PITPNA: variants seen among roughly 807,000 people sequenced by gnomAD.
The protein encoded by PITPNA is phosphatidylinositol transfer protein alpha isoform.
A neutral mutation model predicts 50.3 loss-of-function variants in PITPNA; 13 were observed. The observed-to-expected ratio is 0.26, with a 90% confidence interval of 0.17 to 0.41. PITPNA has a LOEUF of 0.41. PITPNA is among the 10% of genes least tolerant of loss of function. The pLI is 1.00. For missense variants in PITPNA, 207 were observed against 333.4 expected (o/e 0.62, Z 2.95); for synonymous variants, 120 against 119.6 (o/e 1.00, Z -0.02).
rs2075772033 is a variant in PITPNA at position 1,562,227 on chromosome 17, G to T, written c.20+314C>A. Reference sequence around the variant, plus strand: ...CCGTCCGCCCGGGTTGTCCCTCCGTGCCCGTGGGCCCCTCCATGCCCCGGC... The same window carrying T: ...CCGTCCGCCCGGGTTGTCCCTCCGTTCCCGTGGGCCCCTCCATGCCCCGGC... On this transcript the variant is annotated intron_variant, in intron 1 of 11. Transcript: ENST00000313486. This position sits in a 1 kb window ranked among gnomAD's most constrained non-coding sequence, Gnocchi z 6.4. 6.6e-6 allele frequency among the ~76,000 whole-genome samples: 1 copy of T among 151,592 alleles called. No individual in the cohort carries two copies.
Position 1,521,566 on chromosome 17 carries a change from AT to A in PITPNA, c.*22+12del, listed in dbSNP as rs772496918. ...GCGTCTGTGACACGCACAGTGAGAA[AT>A]TTGGTACGTACAGTGCAGAGGGGAA... On this transcript the variant is annotated intron_variant, in intron 11 of 11. Coordinates refer to ENST00000313486, the MANE Select transcript of PITPNA (RefSeq NM_006224.4). 2 of 1,587,640 alleles carry A rather than the reference AT, an allele frequency of 1.3e-6. No individual in the cohort carries two copies. The highest frequency in any genetic ancestry group is 1.7e-6 in the Non-Finnish European group (2 of 1,155,846).
At position 1,530,884 on chromosome 17, in the gene PITPNA, G is replaced by A. The variant is rs528800881; in HGVS notation, c.768+3215C>T. Among the ~76,000 whole-genome samples the A allele has an allele frequency of 9.2e-5, 14 of 152,284 alleles. No individual in the cohort carries two copies. The South Asian group carries it at 2.9e-3, about 32-fold the overall frequency. On this transcript the variant is annotated intron_variant, in intron 10 of 11. Coordinates refer to ENST00000313486, the MANE Select transcript of PITPNA (RefSeq NM_006224.4). ...ATGGAGAGCGGAGAAGGAGCTGCAGGTTCTGCAAAGGCTCAGGAACTGGAA... is the reference window on the plus strand; with the variant it reads ...ATGGAGAGCGGAGAAGGAGCTGCAGATTCTGCAAAGGCTCAGGAACTGGAA...
rs1046754948 is a variant in PITPNA, at chr17:1,548,953, G to A, written c.198-566C>T. ...GTCTCCCTTTGTCGCCCAGGCTGGA[G>A]TGCAGTGCTGCGATCTCGGGTAACT... On this transcript the variant is annotated intron_variant, in intron 3 of 11. Transcript: ENST00000313486. Among the ~76,000 whole-genome samples the A allele has an allele frequency of 1.5e-4, 23 of 152,160 alleles. 1 individual carries two copies. The highest frequency in any genetic ancestry group is 1.2e-3 in the Admixed American group (19 of 15,276).
intron 3 of PITPNA, among the ~76,000 whole-genome samples, chr17:1,549,912 C>A (rs1297497078): frequency 1.3e-5 from 2 of 151,838 alleles, no homozygotes; most frequent in African/African-American, 2.4e-5. Flanking sequence ...TGACCTCGGG[C>A]AATCTGCCTG....
chr17:1,538,905 A>G lies in PITPNA; in HGVS notation c.420T>C (p.Tyr140=). The change falls in exon 7 of 12, where the codon TAT becomes TAC. Residue 140 remains tyrosine, a synonymous_variant. Transcript: ENST00000313486. ...PEAWKHVEAV[Y]IDIADRSQVL... ...CTTGGCTTCGATCTGCAATGTCTAT[A>G]TATACGGCTTCCACGTGTTTCCACG... 1 of 1,613,888 alleles carries G rather than the reference A, an allele frequency of 6.2e-7. No individual in the cohort carries two copies. Among genetic ancestry groups the G allele is most frequent in the Non-Finnish European group, 8.5e-7 (1 of 1,179,782 alleles).
At chr17:1,548,064 C>G (rs2075687180) in intron 4 of PITPNA, among the ~76,000 whole-genome samples, 1 of 152,144 alleles carries the variant, frequency 6.6e-6, no homozygotes, top group South Asian at 2.1e-4. Context: ...TAACAATAAT[C>G]AAAATCGCAG....
chr17:1,548,402 A>G lies in PITPNA; in HGVS notation c.198-15T>C, dbSNP rs753449851. 6.4e-6 allele frequency: 10 copies of G among 1,558,820 alleles called. No individual in the cohort carries two copies. Among genetic ancestry groups the G allele is most frequent in the East Asian group, 2.3e-5 (1 of 43,594 alleles). The stretch of plus-strand genomic sequence containing the variant: ...TGGGTACTTTGCTATAGCGGGGAAA[A>G]AAAGGGGTATAAAGAGAAATGGTAG... On this transcript the variant is annotated splice_polypyrimidine_tract_variant and intron_variant, in intron 3 of 11. Transcript: ENST00000313486.
chr17:1,534,171 G>A lies in PITPNA; in HGVS notation c.696C>T (p.Leu232=), dbSNP rs531765844. 80 of 1,613,694 alleles carry A rather than the reference G, an allele frequency of 5.0e-5. 1 individual carries two copies. In the South Asian group the frequency reaches 5.4e-4, roughly 11 times the overall value. The change falls in exon 10 of 12, where the codon CTC becomes CTT. Residue 232 remains leucine, a synonymous_variant. Transcript: ENST00000313486. ...CCATGGTCAGGTCAACCCACTTATC[G>A]AGCCAACAGAACAGCTGCCTGTGGA... The part of the protein sequence containing the change: ...TNFHRQLFCW[L]DKWVDLTMDD...
chr17:1,550,459 G>A (rs2075702382), intron 3 of PITPNA, among the ~76,000 whole-genome samples: 1 of 152,196 alleles, frequency 6.6e-6, no homozygotes, highest in African/African-American at 2.4e-5. Flanking sequence ...AGAGGGACAA[G>A]TTCAGAGTAA....
intron 10 of PITPNA, among the ~76,000 whole-genome samples, chr17:1,523,380 T>C (rs941930433): frequency 6.6e-6 from 1 of 152,226 alleles, no homozygotes; most frequent in Non-Finnish European, 1.5e-5. Context: ...TCTGGCTCTG[T>C]TGCCCAGGAT....
chr17:1,542,205 A>C (rs1401308810), intron 5 of PITPNA, among the ~76,000 whole-genome samples: 1 of 152,082 alleles, frequency 6.6e-6, no homozygotes, highest in Non-Finnish European at 1.5e-5. Context: ...CGTTTCGAAA[A>C]AAAAAAAAAA....
chr17:1,537,838 T>A (rs1000651828), intron 7 of PITPNA, among the ~76,000 whole-genome samples: 3 of 152,148 alleles, frequency 2.0e-5, no homozygotes, highest in Admixed American at 6.5e-5. Flanking sequence ...TCTCGCTGTG[T>A]CGCCCAGGCT....
intron 10 of PITPNA, among the ~76,000 whole-genome samples, chr17:1,527,203 A>C (rs933644164): frequency 1.3e-5 from 2 of 152,206 alleles, no homozygotes; most frequent in African/African-American, 4.8e-5. Flanking sequence ...TGGCTGAAGA[A>C]AATGTGTATG....
chr17:1,543,874 AC>A (rs1835998158), intron 4 of PITPNA, among the ~76,000 whole-genome samples: 1 of 152,252 alleles, frequency 6.6e-6, no homozygotes, highest in Admixed American at 6.5e-5. Flanking sequence ...AAAGGCCTAC[AC>A]TGAAGTAACT....
chr17:1,553,250 T>A (rs992853835), intron 2 of PITPNA, 101 bp from the exon 3 acceptor site: 98 of 1,318,048 alleles, frequency 7.4e-5, no homozygotes, highest in Non-Finnish European at 1.0e-4. Context: ...CCCTGGGGTC[T>A]CCTCATGCAG....
Position 1,562,474 on chromosome 17 carries a change from GCC to G in PITPNA, c.20+65_20+66del. ...ATCCGGGCCCTGCGTCCCTCGCCGC[GCC>G]GTCGCCCCGGCGGCCGTCCCCACCC... On this transcript the variant is annotated intron_variant, in intron 1 of 11. Coordinates refer to ENST00000313486, the MANE Select transcript of PITPNA (RefSeq NM_006224.4). The surrounding 1 kb of genome is among the most constrained non-coding windows in gnomAD (Gnocchi z 6.4). 7.6e-7 allele frequency: 1 copy of G among 1,308,092 alleles called. No individual in the cohort carries two copies. Among genetic ancestry groups the G allele is most frequent in the Non-Finnish European group, 1.0e-6 (1 of 991,748 alleles). The allele number at this position is 1,308,092 out of a possible 1,614,324, so 81.0% of individuals were successfully genotyped here.
Position 1,562,632 on chromosome 17 carries a change from C to T in PITPNA, c.-72G>A. The stretch of plus-strand genomic sequence containing the variant: ...CCCGCTGCCCGCCGGCCGCTCTCCC[C>T]GTGGCCCGGCCCGGCCCGGCTGCCT... On this transcript the variant is annotated 5_prime_UTR_variant, in exon 1 of 12. Coordinates refer to ENST00000313486, the MANE Select transcript of PITPNA (RefSeq NM_006224.4). The surrounding 1 kb of genome is among the most constrained non-coding windows in gnomAD (Gnocchi z 6.4). 9.1e-7 allele frequency: 1 copy of T among 1,094,536 alleles called. No individual in the cohort carries two copies. The highest frequency in any genetic ancestry group is 1.1e-6 in the Non-Finnish European group (1 of 878,172). 67.8% of individuals were successfully genotyped at this position (1,094,536 alleles called of 1,614,324 possible).
At chr17:1,539,055 G>A (rs73296927) in intron 6 of PITPNA, 103 bp from the exon 7 acceptor site, 4 of 671,762 alleles carry the variant, frequency 6.0e-6, no homozygotes, top group Admixed American at 2.7e-5. Flanking sequence ...AGCCACAGAT[G>A]TAAGATTCCT....
intron 2 of PITPNA, among the ~76,000 whole-genome samples, chr17:1,554,390 ATTTTTTTT>A (rs61238602): frequency 1.1e-4 from 7 of 66,096 alleles, no homozygotes; most frequent in Admixed American, 1.9e-4. Context: ...GTGTTTCTCT[ATTTTTTTT>A]TTTTTTTTTT....
Sources: allele counts gnomAD v4.1 joint callset (sites outside exome capture counted in the v4.1 genomes callset), GRCh38; gene constraint gnomAD v4.1.1; non-coding constraint Gnocchi (gnomAD v3.1); transcripts MANE v1.5; gene names NCBI Gene and HGNC (gene_info 2026-07-23, HGNC 2026-07-21).